The following TBC1D13 variants were observed in gnomAD, a reference collection of about 807,000 sequenced individuals.
TBC1D13 encodes the protein TBC1 domain family member 13.
Under a neutral mutation model 53.6 loss-of-function variants are expected in TBC1D13, and 40 were observed. That is an observed-to-expected ratio of 0.75 (90% CI 0.58 to 0.97). The LOEUF is 0.97. Among genes scored for constraint, TBC1D13 ranks in the 50% least tolerant of loss-of-function variants. TBC1D13 has a pLI of 0.00. For synonymous variants in TBC1D13, 182 were observed against 197.7 expected (o/e 0.92, Z 0.67); for missense variants, 377 against 499.4 (o/e 0.75, Z 2.34).
intron 3 of TBC1D13, 25 bp from the exon 4 acceptor site, chr9:128,791,355 G>A: frequency 1.9e-6 from 3 of 1,613,090 alleles, no homozygotes; most frequent in Middle Eastern, 1.7e-4. Context: ...GGTCACCAGA[G>A]CTTTGCCCTT....
In TBC1D13 at chr9:128,809,068, C is replaced by T. The variant is rs1272522837; in HGVS notation, c.*1189C>T. 1 of 152,288 alleles carries T rather than the reference C, an allele frequency of 6.6e-6. No homozygotes were observed. Among genetic ancestry groups the T allele is most frequent in the Non-Finnish European group, 1.5e-5 (1 of 68,140 alleles). 9.4% of individuals were successfully genotyped at this position (152,288 alleles called of 1,614,324 possible). A position where few individuals can be genotyped will look rare whatever the true frequency, so the allele number is the denominator to read the frequency against. ...ACCCAGGGTTGGGTTGAGTGAGTCC[C>T]ACAAAGGGCAAGTGGGGCCCGAGGA... On this transcript the variant is annotated 3_prime_UTR_variant, in exon 12 of 12. Coordinates refer to ENST00000372648, the MANE Select transcript of TBC1D13 (RefSeq NM_018201.5).
chr9:128,787,443 A>C, intron 1 of TBC1D13, 67 bp downstream of exon 1: 1 of 1,244,670 alleles, frequency 8.0e-7, no homozygotes. Flanking sequence ...TGCCCCTCAG[A>C]AGGGGGAAGC....
At chr9:128,791,270 G>A in intron 3 of TBC1D13, 110 bp from the exon 4 acceptor site, 1 of 1,063,400 alleles carries the variant, frequency 9.4e-7, no homozygotes, top group Non-Finnish European at 1.4e-6. Flanking sequence ...AGCCCATCTT[G>A]TCTTCTTGGG....
intron 8 of TBC1D13, 116 bp downstream of exon 8, chr9:128,803,576 C>G: frequency 1.1e-6 from 1 of 933,690 alleles, no homozygotes; most frequent in South Asian, 1.5e-5. Context: ...TGGCCTGGAT[C>G]ATCTCTGAGA....
chr9:128,788,425 A>G lies in TBC1D13; in HGVS notation c.97+18A>G. ...CTTTAGTGGTAAGAAGCCATTCTGT[A>G]TTTTCACGGTTTCCCTACAGCAGCC... On this transcript the variant is annotated intron_variant, in intron 2 of 11. Coordinates refer to ENST00000372648, the MANE Select transcript of TBC1D13 (RefSeq NM_018201.5). The G allele has an allele frequency of 1.2e-6, 2 of 1,612,500 alleles. No homozygotes were observed. Among genetic ancestry groups the G allele is most frequent in the Non-Finnish European group, 1.7e-6 (2 of 1,178,716 alleles).
At chr9:128,791,317 C>T (rs1235055455) in intron 3 of TBC1D13, 63 bp from the exon 4 acceptor site, 11 of 1,481,182 alleles carry the variant, frequency 7.4e-6, no homozygotes, top group Admixed American at 3.3e-5. Context: ...CTGTCATCCC[C>T]GCCTAAAGAC....
At chr9:128,805,682 A>G (rs377158014) in intron 9 of TBC1D13, among the ~76,000 whole-genome samples, 177 bp from the exon 10 acceptor site, 89 of 152,298 alleles carry the variant, frequency 5.8e-4, no homozygotes, top group African/African-American at 2.0e-3. Flanking sequence ...CTGGCAGCAA[A>G]CAGGCTCCGC....
intron 6 of TBC1D13, among the ~76,000 whole-genome samples, chr9:128,793,523 C>T (rs187024600): frequency 4.7e-4 from 72 of 152,212 alleles, no homozygotes; most frequent in African/African-American, 1.6e-3. Flanking sequence ...GCTGTGTGAC[C>T]TTGGGCAAGT....
chr9:128,797,480 G>C (rs1265558642), intron 7 of TBC1D13, among the ~76,000 whole-genome samples: 1 of 152,152 alleles, frequency 6.6e-6, no homozygotes, highest in African/African-American at 2.4e-5. Flanking sequence ...TAGTGGGGAT[G>C]GCTCTGAGAA....
At chr9:128,796,918 A>C (rs1829640886) in intron 6 of TBC1D13, 137 bp from the exon 7 acceptor site, 1 of 891,184 alleles carries the variant, frequency 1.1e-6, no homozygotes, top group Non-Finnish European at 1.7e-6. Context: ...CCTGGGCGAC[A>C]GTGCAAGACT....
chr9:128,790,849 C>T (rs1829520471), intron 3 of TBC1D13, 74 bp downstream of exon 3: 1 of 1,467,668 alleles, frequency 6.8e-7, no homozygotes, highest in Admixed American at 2.5e-5. Flanking sequence ...GCCCCTACCC[C>T]TGGCTTCTTC....
Position 128,805,762 on chromosome 9 carries a change from C to T in TBC1D13, c.919-97C>T, listed in dbSNP as rs886519541. On this transcript the variant is annotated intron_variant, in intron 9 of 11. Transcript: ENST00000372648. ...GTGCTCACACCTGGCATGCTGGGCC[C>T]TGCTGTTCTGAATTCACTTCTGACC... The T allele has an allele frequency of 5.6e-5, 76 of 1,367,610 alleles. No homozygotes were observed. In the Middle Eastern group the frequency reaches 7.1e-4, roughly 13 times the overall value. The allele number at this position is 1,367,610 out of a possible 1,614,324, so 84.7% of individuals were successfully genotyped here.
At chr9:128,804,869 C>T (rs1319651314) in intron 9 of TBC1D13, among the ~76,000 whole-genome samples, 4 of 151,790 alleles carry the variant, frequency 2.6e-5, no homozygotes, top group Non-Finnish European at 5.9e-5. Context: ...GCTGGGATTA[C>T]AGGCGTGCGT....
At chr9:128,807,686 C>A in intron 11 of TBC1D13, 128 bp from the exon 12 acceptor site, 1 of 914,968 alleles carries the variant, frequency 1.1e-6, no homozygotes, top group Non-Finnish European at 1.8e-6. Context: ...TGTGGGATGC[C>A]TGGTGTTCTG....
intron 2 of TBC1D13, among the ~76,000 whole-genome samples, chr9:128,788,676 G>T (rs1427004280): frequency 6.6e-6 from 1 of 151,854 alleles, no homozygotes; most frequent in Non-Finnish European, 1.5e-5. Context: ...GGAGGTGCCA[G>T]ATTCCTGAGA....
intron 6 of TBC1D13, among the ~76,000 whole-genome samples, chr9:128,793,576 A>G (rs1431839150): frequency 6.6e-6 from 1 of 152,182 alleles, no homozygotes; most frequent in Non-Finnish European, 1.5e-5. Context: ...AAGTAGGAGT[A>G]AGGTGGTTCA....
chr9:128,790,896 G>C lies in TBC1D13; in HGVS notation c.138+121G>C, dbSNP rs377414894. 8.8e-5 allele frequency: 93 copies of C among 1,058,384 alleles called. 2 individuals are homozygous for C. The East Asian group carries it at 1.2e-3, about 14-fold the overall frequency. 65.6% of individuals were successfully genotyped at this position (1,058,384 alleles called of 1,614,324 possible). On this transcript the variant is annotated intron_variant, in intron 3 of 11. Transcript: ENST00000372648. ...CACCTTTCCTTGCTTGTCTGAGGGA[G>C]CTTTTCTGGGAAGTCCTGGGTTTTC...
chr9:128,803,829 A>C, intron 8 of TBC1D13, 127 bp from the exon 9 acceptor site: 1 of 1,249,028 alleles, frequency 8.0e-7, no homozygotes, highest in Non-Finnish European at 1.1e-6. Flanking sequence ...AGGACAGAGG[A>C]AGGACTGAGC....
In TBC1D13 at chr9:128,806,024, G is replaced by A. The variant is rs1162625348; in HGVS notation, c.1079+5G>A. The A allele has an allele frequency of 1.9e-6, 3 of 1,613,354 alleles. No homozygotes were observed. ...CGTCTGCTGCGCCATGCTCATGTGA[G>A]TGCGGGCATGAGCTGTCATCAGCTC... On this transcript the variant is annotated splice_donor_5th_base_variant and intron_variant, in intron 10 of 11. Transcript: ENST00000372648.
Sources: gnomAD v4.1 joint callset for allele counts (sites outside exome capture counted in the v4.1 genomes callset) on GRCh38, gnomAD v4.1.1 for gene constraint, MANE v1.5 for transcripts, NCBI Gene and HGNC (gene_info 2026-07-23, HGNC 2026-07-21) for gene names.